The following MGAT4A variants were observed in gnomAD, a reference collection of about 807,000 sequenced individuals.
The protein encoded by MGAT4A is N-acetylglucosaminyltransferase IVa.
A neutral mutation model predicts 74.1 loss-of-function variants in MGAT4A; 33 were observed. The observed-to-expected ratio is 0.45, with a 90% confidence interval of 0.34 to 0.60. The LOEUF (loss-of-function observed/expected upper bound fraction) is 0.60. Among genes scored for constraint, MGAT4A ranks in the 20% least tolerant of loss-of-function variants. MGAT4A has a pLI of 0.02. For synonymous variants in MGAT4A, 198 were observed against 210.4 expected (o/e 0.94, Z 0.51); for missense variants, 479 against 628.3 (o/e 0.76, Z 2.54).
chr2:98,660,113 A>G (rs1165897574), intron 5 of MGAT4A, among the ~76,000 whole-genome samples: 1 of 152,266 alleles, frequency 6.6e-6, no homozygotes, highest in African/African-American at 2.4e-5. Context: ...AAAGAAATCA[A>G]GAGAACAATC....
intron 10 of MGAT4A, 108 bp downstream of exon 10, chr2:98,643,815 G>T: frequency 8.7e-7 from 1 of 1,152,362 alleles, no homozygotes; most frequent in Non-Finnish European, 1.2e-6. Context: ...CAGGAAAGAA[G>T]TTTTATATCA....
At chr2:98,648,363 G>A (rs780787772) in intron 8 of MGAT4A, among the ~76,000 whole-genome samples, 31 of 152,104 alleles carry the variant, frequency 2.0e-4, no homozygotes, top group Non-Finnish European at 3.7e-4. Context: ...AGCCAGGCCT[G>A]GTGCCAAGTG....
chr2:98,692,616 C>T (rs1442542341), intron 2 of MGAT4A, among the ~76,000 whole-genome samples: 1 of 152,042 alleles, frequency 6.6e-6, no homozygotes, highest in Admixed American at 6.6e-5. Context: ...TATACTGTTT[C>T]GCCTTTTATA....
intron 5 of MGAT4A, among the ~76,000 whole-genome samples, chr2:98,661,349 T>C (rs1449505049): frequency 6.6e-6 from 1 of 152,218 alleles, no homozygotes; most frequent in African/African-American, 2.4e-5. Flanking sequence ...TGTATCCATA[T>C]TATCAAGCTC....
chr2:98,681,423 T>C (rs901153965), intron 2 of MGAT4A, among the ~76,000 whole-genome samples: 2 of 152,192 alleles, frequency 1.3e-5, no homozygotes, highest in East Asian at 3.8e-4. Flanking sequence ...CAGAATACGT[T>C]ATATGGTTTC....
chr2:98,654,203 T>C (rs993278679), intron 8 of MGAT4A, among the ~76,000 whole-genome samples: 7 of 152,050 alleles, frequency 4.6e-5, no homozygotes, highest in African/African-American at 1.4e-4. Context: ...ATCGGTAATA[T>C]CACACTTGGC....
rs968319397 is a variant in MGAT4A at position 98,726,202 on chromosome 2, T to C, written c.94+37A>G. 38 of 1,568,006 alleles carry C rather than the reference T, an allele frequency of 2.4e-5. No homozygotes were observed. In the African/African-American group the frequency reaches 3.2e-4, roughly 13 times the overall value. ...CACCTTAACCAAGCAAAAACCCTAGTACATTTCATGCACATTTTCCGAGTC... is the reference window on the plus strand; with the variant it reads ...CACCTTAACCAAGCAAAAACCCTAGCACATTTCATGCACATTTTCCGAGTC... On this transcript the variant is annotated intron_variant, in intron 2 of 15. Transcript: ENST00000393487.
At chr2:98,650,643 C>G (rs1256922421) in intron 8 of MGAT4A, among the ~76,000 whole-genome samples, 1 of 152,048 alleles carries the variant, frequency 6.6e-6, no homozygotes, top group East Asian at 1.9e-4. Flanking sequence ...TTATATCTGA[C>G]AAAATTGTAA....
At chr2:98,652,409 C>A (rs1214676318) in intron 8 of MGAT4A, among the ~76,000 whole-genome samples, 1 of 150,108 alleles carries the variant, frequency 6.7e-6, no homozygotes, top group Admixed American at 6.7e-5. Flanking sequence ...CGGCTCACTG[C>A]AAGCTCCACC....
chr2:98,658,288 T>TTGA (rs769522391), intron 5 of MGAT4A, 24 bp from the exon 6 acceptor site: 1 of 1,433,694 alleles, frequency 7.0e-7, no homozygotes, highest in Non-Finnish European at 9.6e-7. Context: ...AAAATGTATC[T>TTGA]ATATTCAAGT....
At chr2:98,653,133 T>C (rs550159149) in intron 8 of MGAT4A, among the ~76,000 whole-genome samples, 1 of 95,932 alleles carries the variant, frequency 1.0e-5, no homozygotes, top group Non-Finnish European at 2.4e-5. Flanking sequence ...AAAAAAAAAA[T>C]ATACCAAAAT....
In MGAT4A at chr2:98,621,902, T is replaced by G; in HGVS notation, c.*3664A>C. 18 of 1,001,768 alleles carry G rather than the reference T, an allele frequency of 1.8e-5. No individual in the cohort carries two copies. The highest frequency in any genetic ancestry group is 2.1e-5 in the Non-Finnish European group (18 of 840,126). 62.1% of individuals were successfully genotyped at this position (1,001,768 alleles called of 1,614,324 possible). ...CTGATTTGAGAAGATACACACTTTGTTCAAGGGTATTCAACCATCTCCAAT... is the reference window on the plus strand; with the variant it reads ...CTGATTTGAGAAGATACACACTTTGGTCAAGGGTATTCAACCATCTCCAAT... On this transcript the variant is annotated 3_prime_UTR_variant, in exon 16 of 16. Transcript: ENST00000393487.
At chr2:98,683,866 A>G (rs899209738) in intron 2 of MGAT4A, among the ~76,000 whole-genome samples, 1 of 152,166 alleles carries the variant, frequency 6.6e-6, no homozygotes, top group Admixed American at 6.5e-5. Context: ...ACTATTGGAT[A>G]ATGTCACAGG....
intron 5 of MGAT4A, among the ~76,000 whole-genome samples, chr2:98,662,535 A>C (rs1701767242): frequency 6.6e-6 from 1 of 152,216 alleles, no homozygotes; most frequent in Admixed American, 6.5e-5. Context: ...ACAATAATTA[A>C]GAAAATATTT....
chr2:98,678,535 T>G, intron 2 of MGAT4A, 64 bp from the exon 3 acceptor site: 2 of 1,106,866 alleles, frequency 1.8e-6, no homozygotes, highest in Non-Finnish European at 2.4e-6. Context: ...ATAATCTCAA[T>G]GGAACTGTAA....
chr2:98,726,520 G>T lies in MGAT4A; in HGVS notation c.-188C>A, dbSNP rs1426731118. On this transcript the variant is annotated 5_prime_UTR_variant, in exon 2 of 16. Transcript: ENST00000393487. ...CAATGCTGTTCACAACTGTACTCGGGATCGTCTTTGCGGTCTTCACACGCT... is the reference window on the plus strand; with the variant it reads ...CAATGCTGTTCACAACTGTACTCGGTATCGTCTTTGCGGTCTTCACACGCT... The T allele has an allele frequency of 4.1e-6, 2 of 486,948 alleles. No individual in the cohort carries two copies. The highest frequency in any genetic ancestry group is 1.9e-5 in the African/African-American group (1 of 52,014). The allele number at this position is 486,948 out of a possible 1,614,324, so 30.2% of individuals were successfully genotyped here.
intron 2 of MGAT4A, among the ~76,000 whole-genome samples, chr2:98,691,152 T>A (rs1321819134): frequency 1.3e-5 from 2 of 151,626 alleles, no homozygotes; most frequent in Non-Finnish European, 2.9e-5. Context: ...TGTCCAGGGG[T>A]CTTGTAAGAT....
At position 98,624,791 on chromosome 2, in the gene MGAT4A, C is replaced by G; in HGVS notation, c.*775G>C. 1 of 985,082 alleles carries G rather than the reference C, an allele frequency of 1.0e-6. No homozygotes were observed. Among genetic ancestry groups the G allele is most frequent in the Non-Finnish European group, 1.2e-6 (1 of 829,238 alleles). The allele number at this position is 985,082 out of a possible 1,614,324, so 61.0% of individuals were successfully genotyped here. On this transcript the variant is annotated 3_prime_UTR_variant, in exon 16 of 16. Transcript: ENST00000393487. ...ATTGAAAATTTATCAGACTGACTTT[C>G]TGTGGCTATACACCATACACAGTAT... is the stretch of plus-strand genomic sequence containing the variant.
rs981432407 is a variant in MGAT4A at position 98,624,795 on chromosome 2, G to A, written c.*771C>T. Reference sequence around the variant, plus strand: ...AAAATTTATCAGACTGACTTTCTGTGGCTATACACCATACACAGTATAGTA... The same window carrying A: ...AAAATTTATCAGACTGACTTTCTGTAGCTATACACCATACACAGTATAGTA... On this transcript the variant is annotated 3_prime_UTR_variant, in exon 16 of 16. Transcript: ENST00000393487. 1.2e-5 allele frequency: 12 copies of A among 984,906 alleles called. No individual in the cohort carries two copies. In the African/African-American group the frequency reaches 2.1e-4, roughly 17 times the overall value. 61.0% of individuals were successfully genotyped at this position (984,906 alleles called of 1,614,324 possible).
Sources: allele counts gnomAD v4.1 joint callset (sites outside exome capture counted in the v4.1 genomes callset), GRCh38; gene constraint gnomAD v4.1.1; transcripts MANE v1.5; gene names NCBI Gene and HGNC (gene_info 2026-07-23, HGNC 2026-07-21).